The following RNF13 variants were observed in gnomAD, a reference collection of about 807,000 sequenced individuals.
RNF13 encodes the protein E3 ubiquitin-protein ligase RNF13.
RNF13 carries 19 observed loss-of-function variants against 37.7 expected under a neutral mutation model. The ratio of observed to expected loss-of-function variants is 0.50; its 90% CI spans 0.35 to 0.74. The LOEUF (loss-of-function observed/expected upper bound fraction) is 0.74, where lower values mean the gene tolerates loss of function less well. RNF13 is among the 30% of genes least tolerant of loss of function. The pLI is 0.01. For missense variants in RNF13, 375 were observed against 453.0 expected, an observed-to-expected ratio of 0.83 and a Z score of 1.56; for synonymous variants, 144 against 157.8, an observed-to-expected ratio of 0.91 and a Z score of 0.65.
chr3:149,852,948 T>C (rs371690378), intron 3 of RNF13, among the ~76,000 whole-genome samples: 96 of 151,918 alleles, frequency 6.3e-4, no homozygotes, highest in African/African-American at 2.3e-3. Context: ...ATACAGTAAA[T>C]CTGTATTTAA....
chr3:149,905,936 T>C (rs1219646234), intron 6 of RNF13, among the ~76,000 whole-genome samples: 1 of 152,190 alleles, frequency 6.6e-6, no homozygotes, highest in Non-Finnish European at 1.5e-5. Context: ...TTTAGAACTT[T>C]TTCAATATTC....
At position 149,938,487 on chromosome 3, in the gene RNF13, A is replaced by T. The variant is rs1314861634; in HGVS notation, c.700+17260A>T. Among the ~76,000 whole-genome samples the T allele has an allele frequency of 1.6e-4, 23 of 139,512 alleles. No homozygotes were observed. The East Asian group carries it at 2.3e-3, about 14-fold the overall frequency. 91.5% of individuals were successfully genotyped at this position (139,512 alleles called of 152,430 possible). A position where few individuals can be genotyped will look rare whatever the true frequency, so the allele number is the denominator to read the frequency against. ...CGTGCCTGGCCATATTGTTATTATT[A>T]TTTTTTTTTTTTTTGGAGAATTGAT... is the stretch of plus-strand genomic sequence containing the variant. On this transcript the variant is annotated intron_variant, in intron 8 of 9. Transcript: ENST00000392894.
chr3:149,885,128 G>A (rs1345460309), intron 4 of RNF13, among the ~76,000 whole-genome samples: 1 of 152,072 alleles, frequency 6.6e-6, no homozygotes, highest in Non-Finnish European at 1.5e-5. Flanking sequence ...TCATTCACCT[G>A]TGGATGGACA....
At chr3:149,863,678 G>C (rs765987909) in intron 3 of RNF13, among the ~76,000 whole-genome samples, 8 of 152,118 alleles carry the variant, frequency 5.3e-5, no homozygotes, top group South Asian at 2.1e-4. Context: ...CCACACCCGG[G>C]CTACATTTGT....
At chr3:149,869,810 G>A (rs1204339624) in intron 3 of RNF13, among the ~76,000 whole-genome samples, 1 of 151,802 alleles carries the variant, frequency 6.6e-6, no homozygotes, top group Non-Finnish European at 1.5e-5. Flanking sequence ...TTGGTTAGAG[G>A]TTATTTACTG....
intron 3 of RNF13, among the ~76,000 whole-genome samples, chr3:149,871,035 A>ATTTTTTTTTTTTTTTTTTTTTTTCTTTT (rs144707628): frequency 8.2e-6 from 1 of 121,306 alleles, no homozygotes; most frequent in African/African-American, 3.1e-5. Context: ...CTGTTACCAG[A>ATTTTTTTTTTTTTTTTTTTTTTTCTTTT]TTTTTTTTTT....
intron 4 of RNF13, among the ~76,000 whole-genome samples, chr3:149,888,481 TC>T (rs1423163935): frequency 6.6e-6 from 1 of 152,264 alleles, no homozygotes; most frequent in Non-Finnish European, 1.5e-5. Context: ...TGCTGGAATA[TC>T]CTCTGTCTGT....
intron 8 of RNF13, among the ~76,000 whole-genome samples, chr3:149,923,803 G>A (rs1322201341): frequency 2.0e-5 from 3 of 151,366 alleles, no homozygotes; most frequent in African/African-American, 4.9e-5. Flanking sequence ...AAAAAATGGT[G>A]ATACTGTCCT....
chr3:149,928,086 A>G (rs59707865), intron 8 of RNF13, among the ~76,000 whole-genome samples: 4,489 of 150,030 alleles, frequency 0.03, 82 homozygotes, highest in South Asian at 0.037. Context: ...TCATGGATTG[A>G]AAGACTTAAT....
chr3:149,827,947 A>AT (rs74270319), intron 1 of RNF13, among the ~76,000 whole-genome samples: 1,783 of 137,718 alleles, frequency 0.013, 22 homozygotes, highest in East Asian at 0.073. Flanking sequence ...CTATCTCTCT[A>AT]TTTTTTTTTT....
At chr3:149,957,453 A>T (rs1418417212) in intron 8 of RNF13, among the ~76,000 whole-genome samples, 1 of 152,166 alleles carries the variant, frequency 6.6e-6, no homozygotes, top group African/African-American at 2.4e-5. Context: ...TAAAACCAGA[A>T]GTCTTTTACA....
chr3:149,945,903 A>T (rs1488728026), intron 8 of RNF13, among the ~76,000 whole-genome samples: 1 of 152,232 alleles, frequency 6.6e-6, no homozygotes, highest in African/African-American at 2.4e-5. Context: ...CATCCACACC[A>T]AAACCCCATC....
At chr3:149,959,944 C>T (rs1379052165) in intron 8 of RNF13, 112 bp from the exon 9 acceptor site, 10 of 653,942 alleles carry the variant, frequency 1.5e-5, no homozygotes, top group East Asian at 8.3e-5. Context: ...TCCTTGAGTC[C>T]GATGCAAAAG....
Position 149,921,199 on chromosome 3 carries a change from G to A in RNF13, c.672G>A (p.Lys224=). ...RRNRLRKDQL[K]KLPVHKFKKG... The stretch of plus-strand genomic sequence containing the variant: ...ACAGACTTCGTAAAGATCAACTTAA[G>A]AAACTTCCTGTACATAAATTCAAGA... Residue 224 remains lysine (K), a synonymous_variant, in exon 8 of 10, where the codon AAG becomes AAA. Coordinates refer to ENST00000392894, the MANE Select transcript of RNF13 (RefSeq NM_183381.3). 1 of 1,421,828 alleles carries A rather than the reference G, an allele frequency of 7.0e-7. No homozygotes were observed. The highest frequency in any genetic ancestry group is 9.4e-7 in the Non-Finnish European group (1 of 1,068,894). 88.1% of individuals were successfully genotyped at this position (1,421,828 alleles called of 1,614,324 possible). A position where few individuals can be genotyped will look rare whatever the true frequency, so the allele number is the denominator to read the frequency against.
intron 3 of RNF13, among the ~76,000 whole-genome samples, chr3:149,862,969 TAAATG>T (rs1724421401): frequency 6.6e-6 from 1 of 152,190 alleles, no homozygotes; most frequent in Non-Finnish European, 1.5e-5. Flanking sequence ...TTTCATGAAA[TAAATG>T]AATGAGTAAT....
chr3:149,921,756 A>G (rs1671309817), intron 8 of RNF13, among the ~76,000 whole-genome samples: 1 of 152,172 alleles, frequency 6.6e-6, no homozygotes, highest in Non-Finnish European at 1.5e-5. Context: ...GTGCCACAAT[A>G]CACATGTGTG....
intron 3 of RNF13, among the ~76,000 whole-genome samples, chr3:149,858,281 A>C (rs546857991): frequency 2.0e-4 from 31 of 152,348 alleles, no homozygotes; most frequent in Non-Finnish European, 4.0e-4. Flanking sequence ...GACAGTAGTC[A>C]AGACTTTACA....
chr3:149,926,400 T>C (rs551803800), intron 8 of RNF13, among the ~76,000 whole-genome samples: 6 of 152,066 alleles, frequency 3.9e-5, no homozygotes, highest in East Asian at 3.9e-4. Flanking sequence ...TTAGTAGAGA[T>C]GGGGTTTCAC....
chr3:149,849,214 A>G (rs1375314955), intron 2 of RNF13, among the ~76,000 whole-genome samples: 1 of 152,226 alleles, frequency 6.6e-6, no homozygotes, highest in Non-Finnish European at 1.5e-5. Context: ...AGAGTCCACA[A>G]GTGACATGTT....
Sources: allele counts gnomAD v4.1 joint callset (sites outside exome capture counted in the v4.1 genomes callset), GRCh38; gene constraint gnomAD v4.1.1; transcripts MANE v1.5; gene names NCBI Gene and HGNC (gene_info 2026-07-23, HGNC 2026-07-21).